Variants in PCDHGB4 observed in about 807,000 individuals in gnomAD.
PCDHGB4 encodes protocadherin gamma-B4.
A neutral mutation model predicts 60.5 loss-of-function variants in PCDHGB4; 38 were observed. The observed-to-expected ratio is 0.63, with a 90% CI of 0.48 to 0.82. The LOEUF is 0.82. Among genes scored for constraint, PCDHGB4 ranks in the 40% least tolerant of loss-of-function variants. PCDHGB4 has a pLI of 0.00. For synonymous variants in PCDHGB4, 456 were observed against 509.7 expected (o/e 0.89, Z 1.42); for missense variants, 1,109 against 1,209.6 (o/e 0.92, Z 1.23).
At chr5:141,413,844 C>A in intron 1 of PCDHGB4, 2 of 1,613,254 alleles carry the variant, frequency 1.2e-6, no homozygotes, top group Non-Finnish European at 1.7e-6. Context: ...ACGGGGGTGA[C>A]CCTCTCCGAT....
chr5:141,492,125 C>T (rs1284932830), intron 1 of PCDHGB4, among the ~76,000 whole-genome samples: 1 of 152,222 alleles, frequency 6.6e-6, no homozygotes, highest in Non-Finnish European at 1.5e-5. Context: ...TTCTCCCCAG[C>T]TCCCAGCATC....
At chr5:141,430,680 C>G (rs990086941) in intron 1 of PCDHGB4, 8 of 1,343,124 alleles carry the variant, frequency 6.0e-6, no homozygotes, top group Non-Finnish European at 8.0e-6. Context: ...TCCCAACTGT[C>G]CCATTCTATG....
In PCDHGB4 at chr5:141,487,934, C is replaced by T; in HGVS notation, c.2398-6873C>T. 4.9e-6 allele frequency: 3 copies of T among 607,674 alleles called. No homozygotes were observed. The highest frequency in any genetic ancestry group is 2.1e-5 in the South Asian group (1 of 48,014). 37.6% of individuals were successfully genotyped at this position (607,674 alleles called of 1,614,324 possible). Reference sequence around the variant, plus strand: ...ACAGGAGGCTACAGTGCACAGGGTACAGTGCACCAGGCAGTCACTTGGACA... The same window carrying T: ...ACAGGAGGCTACAGTGCACAGGGTATAGTGCACCAGGCAGTCACTTGGACA... On this transcript the variant is annotated intron_variant, in intron 1 of 3. Transcript: ENST00000519479. This position sits in a 1 kb window ranked among gnomAD's most constrained non-coding sequence, Gnocchi z 5.0.
intron 1 of PCDHGB4, chr5:141,409,463 A>G (rs751200597): frequency 1.2e-6 from 2 of 1,613,744 alleles, no homozygotes; most frequent in Non-Finnish European, 1.7e-6. Context: ...ATACAATGTC[A>G]CCATCGTAGC....
chr5:141,415,477 CGAAA>C (rs764359660), intron 1 of PCDHGB4: 56 of 1,614,066 alleles, frequency 3.5e-5, no homozygotes, highest in Middle Eastern at 3.3e-4. Context: ...CGCGGACTCG[CGAAA>C]GAGTCACCTG....
rs1317717658 is a variant in PCDHGB4, at chr5:141,476,494, G to A, written c.2398-18313G>A. On this transcript the variant is annotated intron_variant, in intron 1 of 3. Coordinates refer to ENST00000519479, the MANE Select transcript of PCDHGB4 (RefSeq NM_003736.4). The surrounding 1 kb of genome is among the most constrained non-coding windows in gnomAD (Gnocchi z 7.6). ...TGTTCAGCGTGGAAGTGGTGATCCA[G>A]GACATCAACGACAACAATCCTGCTT... The A allele has an allele frequency of 6.2e-7, 1 of 1,614,012 alleles. No individual in the cohort carries two copies. The highest frequency in any genetic ancestry group is 8.5e-7 in the Non-Finnish European group (1 of 1,179,988).
At chr5:141,455,860 A>ATTAT (rs145569377) in intron 1 of PCDHGB4, among the ~76,000 whole-genome samples, 7,190 of 139,786 alleles carry the variant, frequency 0.051, 228 homozygotes, top group South Asian at 0.064. Context: ...AATTTCTTTT[A>ATTAT]TTATTTATTT....
At chr5:141,475,957 G>A (rs776101269) in intron 1 of PCDHGB4, 148 of 812,416 alleles carry the variant, frequency 1.8e-4, no homozygotes, top group Non-Finnish European at 2.6e-4. Flanking sequence ...CTGCGCCCCG[G>A]GATGAGGCAG....
intron 2 of PCDHGB4, among the ~76,000 whole-genome samples, chr5:141,503,700 C>G (rs2099828974): frequency 6.6e-6 from 1 of 152,016 alleles, no homozygotes; most frequent in Non-Finnish European, 1.5e-5. Flanking sequence ...GAGATTCCTG[C>G]TTTCCCCTTC....
intron 2 of PCDHGB4, among the ~76,000 whole-genome samples, chr5:141,501,184 C>T (rs1209222790): frequency 6.6e-6 from 1 of 152,002 alleles, no homozygotes; most frequent in Non-Finnish European, 1.5e-5. Context: ...CATTTTAACA[C>T]AATTAAATTC....
At position 141,432,749 on chromosome 5, in the gene PCDHGB4, G is replaced by A; in HGVS notation, c.2397+42468G>A. 6.8e-6 allele frequency: 11 copies of A among 1,614,106 alleles called. No homozygotes were observed. The highest frequency in any genetic ancestry group is 9.3e-6 in the Non-Finnish European group (11 of 1,179,980). On this transcript the variant is annotated intron_variant, in intron 1 of 3. Coordinates refer to ENST00000519479, the MANE Select transcript of PCDHGB4 (RefSeq NM_003736.4). The surrounding 1 kb of genome is among the most constrained non-coding windows in gnomAD (Gnocchi z 6.0). ...CGCCACTGTCACGCTCACCGTGGCCGTGGCCGACAGCATCCCCCAAGTCCT... is the reference window on the plus strand; with the variant it reads ...CGCCACTGTCACGCTCACCGTGGCCATGGCCGACAGCATCCCCCAAGTCCT...
chr5:141,495,323 G>C (rs1029646773), intron 2 of PCDHGB4, among the ~76,000 whole-genome samples: 2 of 152,214 alleles, frequency 1.3e-5, no homozygotes, highest in African/African-American at 4.8e-5. Context: ...AGCCGAGGCT[G>C]ACTGCAGCCT....
At chr5:141,394,359 G>A in intron 1 of PCDHGB4, 3 of 1,614,204 alleles carry the variant, frequency 1.9e-6, no homozygotes, top group Non-Finnish European at 2.5e-6. Context: ...TGTCCTGTAT[G>A]CGCTGCAATC....
rs1049654933 is a variant in PCDHGB4 at position 141,497,808 on chromosome 5, A to G, written c.2456+2943A>G. 2.6e-5 allele frequency among the ~76,000 whole-genome samples: 4 copies of G among 152,282 alleles called. No homozygotes were observed. The East Asian group carries it at 7.7e-4, about 29-fold the overall frequency. Reference sequence around the variant, plus strand: ...ACCTGCTTCAGCTTCCCAAAGTGCTAGAATTACAGGTGTGATCGCCCCCGG... The same window carrying G: ...ACCTGCTTCAGCTTCCCAAAGTGCTGGAATTACAGGTGTGATCGCCCCCGG... On this transcript the variant is annotated intron_variant, in intron 2 of 3. Coordinates refer to ENST00000519479, the MANE Select transcript of PCDHGB4 (RefSeq NM_003736.4).
In PCDHGB4 at chr5:141,388,341, A is replaced by G; in HGVS notation, c.457A>G (p.Ile153Val). ...GTCTGCACAGCCTGGCACACGATTTATATTAGGATCTGCCCATGATGCGGA... is the reference window on the plus strand; with the variant it reads ...GTCTGCACAGCCTGGCACACGATTTGTATTAGGATCTGCCCATGATGCGGA... ...SESAQPGTRF[I>V]LGSAHDADIG... Residue 153 changes from isoleucine (I) to valine (V), a missense_variant, in exon 1 of 4, where the codon ATA becomes GTA. Transcript: ENST00000519479. 6.2e-7 allele frequency: 1 copy of G among 1,614,036 alleles called. No individual in the cohort carries two copies. The highest frequency in any genetic ancestry group is 8.5e-7 in the Non-Finnish European group (1 of 1,179,896).
chr5:141,476,803 T>G lies in PCDHGB4; in HGVS notation c.2398-18004T>G, dbSNP rs756358461. 3 of 1,613,688 alleles carry G rather than the reference T, an allele frequency of 1.9e-6. No individual in the cohort carries two copies. The highest frequency in any genetic ancestry group is 2.2e-5 in the South Asian group (2 of 91,092). ...CCCCAGCTCTCTCCGCCAGCCTGCCTATTCACATCAAGGTGCTGGACGCGA... is the reference window on the plus strand; with the variant it reads ...CCCCAGCTCTCTCCGCCAGCCTGCCGATTCACATCAAGGTGCTGGACGCGA... On this transcript the variant is annotated intron_variant, in intron 1 of 3. Transcript: ENST00000519479. The surrounding 1 kb of genome is among the most constrained non-coding windows in gnomAD (Gnocchi z 7.6).
chr5:141,389,289 A>G lies in PCDHGB4; in HGVS notation c.1405A>G (p.Ile469Val), dbSNP rs1384091312. 2 of 1,613,966 alleles carry G rather than the reference A, an allele frequency of 1.2e-6. No homozygotes were observed. The highest frequency in any genetic ancestry group is 1.3e-5 in the African/African-American group (1 of 75,060). Reference sequence around the variant, plus strand: ...CGAGAACAACCCGCCTGGAGCCTCTATTTCACAAGTCAGGGCTTCTGATCC... The same window carrying G: ...CGAGAACAACCCGCCTGGAGCCTCTGTTTCACAAGTCAGGGCTTCTGATCC... ...VAENNPPGAS[I>V]SQVRASDPDL... Residue 469 changes from isoleucine (I) to valine (V), a missense_variant, in exon 1 of 4, where the codon ATT (isoleucine) becomes GTT (valine). Coordinates refer to ENST00000519479, the MANE Select transcript of PCDHGB4 (RefSeq NM_003736.4).
chr5:141,489,268 G>C lies in PCDHGB4; in HGVS notation c.2398-5539G>C. 6.4e-7 allele frequency: 1 copy of C among 1,553,286 alleles called. No individual in the cohort carries two copies. The highest frequency in any genetic ancestry group is 8.7e-7 in the Non-Finnish European group (1 of 1,149,780). ...GGGGCCCAAGACACTCCCACAGCTC[G>C]CTGGGAAATGGCAAGTGCTGTGCAT... On this transcript the variant is annotated intron_variant, in intron 1 of 3. Transcript: ENST00000519479. The surrounding 1 kb of genome is among the most constrained non-coding windows in gnomAD (Gnocchi z 4.5).
In PCDHGB4 at chr5:141,489,873, G is replaced by A. The variant is rs1252665956; in HGVS notation, c.2398-4934G>A. The A allele has an allele frequency of 4.3e-6, 7 of 1,614,224 alleles. No homozygotes were observed. The highest frequency in any genetic ancestry group is 5.9e-6 in the Non-Finnish European group (7 of 1,180,030). On this transcript the variant is annotated intron_variant, in intron 1 of 3. Coordinates refer to ENST00000519479, the MANE Select transcript of PCDHGB4 (RefSeq NM_003736.4). The surrounding 1 kb of genome is among the most constrained non-coding windows in gnomAD (Gnocchi z 4.5). Reference sequence around the variant, plus strand: ...AAGCCCAGGCAAGACATCAGCTGGTGCTTACTGCTGTGGATGGGGGGACCC... The same window carrying A: ...AAGCCCAGGCAAGACATCAGCTGGTACTTACTGCTGTGGATGGGGGGACCC...
Sources: allele counts gnomAD v4.1 joint callset (sites outside exome capture counted in the v4.1 genomes callset), GRCh38; gene constraint gnomAD v4.1.1; non-coding constraint Gnocchi (gnomAD v3.1); transcripts MANE v1.5; gene names NCBI Gene and HGNC (gene_info 2026-07-23, HGNC 2026-07-21).